Variants in GAB2 observed in about 807,000 individuals in gnomAD.
The protein encoded by GAB2 is GRB2-associated-binding protein 2.
GAB2 carries 26 observed loss-of-function variants against 65.5 expected under a neutral mutation model. The ratio of observed to expected loss-of-function variants is 0.40; its 90% CI spans 0.29 to 0.55. GAB2 has a LOEUF of 0.55. Among genes scored for constraint, GAB2 ranks in the 20% least tolerant of loss-of-function variants. GAB2 has a pLI of 0.53. For synonymous variants in GAB2, 321 were observed against 329.6 expected (o/e 0.97, Z 0.28); for missense variants, 884 against 875.8 (o/e 1.01, Z -0.12).
At chr11:78,260,019 T>C (rs1015015545) in intron 2 of GAB2, among the ~76,000 whole-genome samples, 2 of 152,226 alleles carry the variant, frequency 1.3e-5, no homozygotes, top group African/African-American at 4.8e-5. Context: ...ATTATTTGCA[T>C]GGTAAGTAAA....
At chr11:78,316,974 G>C (rs1373782433) in intron 1 of GAB2, among the ~76,000 whole-genome samples, 1 of 152,220 alleles carries the variant, frequency 6.6e-6, no homozygotes, top group African/African-American at 2.4e-5. Flanking sequence ...AGGAAATTCT[G>C]ACACATGCTA....
chr11:78,405,091 ATTTT>A (rs1174366754), intron 1 of GAB2, among the ~76,000 whole-genome samples: 7 of 93,244 alleles, frequency 7.5e-5, no homozygotes, highest in African/African-American at 3.6e-4. Context: ...AAAAACATGG[ATTTT>A]TTTTTTTTTT....
intron 1 of GAB2, among the ~76,000 whole-genome samples, chr11:78,298,655 T>A (rs1866907236): frequency 6.6e-6 from 1 of 152,214 alleles, no homozygotes; most frequent in Non-Finnish European, 1.5e-5. Context: ...CCTTTAAATA[T>A]TGGAGAAAGA....
At chr11:78,308,323 C>T (rs1167426376) in intron 1 of GAB2, among the ~76,000 whole-genome samples, 1 of 152,090 alleles carries the variant, frequency 6.6e-6, no homozygotes, top group African/African-American at 2.4e-5. Flanking sequence ...GCCGTGACTG[C>T]AACACTGCAC....
rs140717641 is a variant in GAB2, at chr11:78,393,032, C to G, written c.75+24614G>C. Among the ~76,000 whole-genome samples, 315 of 152,300 alleles carry G rather than the reference C, an allele frequency of 2.1e-3. 1 individual carries two copies. Among genetic ancestry groups the G allele is most frequent in the African/African-American group, 6.7e-3 (279 of 41,546 alleles). On this transcript the variant is annotated intron_variant, in intron 1 of 9. Coordinates refer to ENST00000361507, the MANE Select transcript of GAB2 (RefSeq NM_080491.3). ...AGAGAAGAGACTAAAAACACAGTCA[C>G]GCTGCAACATCATAGGAGCTGCAGA...
At chr11:78,329,694 G>T (rs1417858789) in intron 1 of GAB2, among the ~76,000 whole-genome samples, 1 of 152,208 alleles carries the variant, frequency 6.6e-6, no homozygotes, top group Non-Finnish European at 1.5e-5. Context: ...TGATTTTATG[G>T]AAGCAGTTTT....
At chr11:78,382,679 A>T (rs1040722749) in intron 1 of GAB2, among the ~76,000 whole-genome samples, 4 of 152,166 alleles carry the variant, frequency 2.6e-5, no homozygotes, top group Non-Finnish European at 4.4e-5. Flanking sequence ...TTTTCAGTCA[A>T]TTGTAATCAT....
intron 3 of GAB2, among the ~76,000 whole-genome samples, chr11:78,243,962 T>C (rs930112573): frequency 2.0e-5 from 3 of 151,734 alleles, no homozygotes; most frequent in Admixed American, 1.3e-4. Context: ...CCAAAAGAAA[T>C]AGAAAATCTG....
intron 1 of GAB2, among the ~76,000 whole-genome samples, chr11:78,393,724 G>T (rs1222948858): frequency 1.3e-5 from 2 of 152,138 alleles, no homozygotes; most frequent in Admixed American, 6.5e-5. Context: ...AAATATCCAA[G>T]AACAGAAGAA....
rs373004698 is a variant in GAB2, at chr11:78,306,339, T to C, written c.76-25438A>G. On this transcript the variant is annotated intron_variant, in intron 1 of 9. Coordinates refer to ENST00000361507, the MANE Select transcript of GAB2 (RefSeq NM_080491.3). ...TCCGCCTCCCAGGTTCAAGCAATTC[T>C]CCTGCCTCAGCCTCCCAAGTAGCTG... Among the ~76,000 whole-genome samples the C allele has an allele frequency of 4.9e-4, 74 of 152,314 alleles. 1 individual carries two copies. In the South Asian group the frequency reaches 0.015, roughly 31 times the overall value.
At chr11:78,234,553 ATATATT>A (rs1864935321) in intron 3 of GAB2, among the ~76,000 whole-genome samples, 2 of 148,574 alleles carry the variant, frequency 1.3e-5, no homozygotes, top group Non-Finnish European at 3.0e-5. Context: ...ATTGGCATCT[ATATATT>A]TATATACTTT....
In GAB2 at chr11:78,221,781, T is replaced by C; in HGVS notation, c.1659-2A>G. On this transcript the variant is annotated splice_acceptor_variant, in intron 7 of 9. Transcript: ENST00000361507. LOFTEE classifies it high-confidence loss of function. ...GAGGAGCTGGAGTTGAAGGTGTGGC[T>C]GTTGTGGGAAGGAAGAGTTAACACT... 1.2e-6 allele frequency: 2 copies of C among 1,607,934 alleles called. No homozygotes were observed. Among genetic ancestry groups the C allele is most frequent in the Non-Finnish European group, 1.7e-6 (2 of 1,174,638 alleles).
chr11:78,405,966 G>C (rs903425327), intron 1 of GAB2, among the ~76,000 whole-genome samples: 1 of 152,342 alleles, frequency 6.6e-6, no homozygotes, highest in South Asian at 2.1e-4. Context: ...AGAGCAAACT[G>C]TGGTCCAACC....
intron 1 of GAB2, among the ~76,000 whole-genome samples, chr11:78,281,948 A>C (rs560459922): frequency 6.6e-6 from 1 of 152,348 alleles, no homozygotes; most frequent in East Asian, 1.9e-4. Context: ...CAAGTTTTCT[A>C]ACTTTTTAGT....
chr11:78,239,686 G>A (rs904042850), intron 3 of GAB2, among the ~76,000 whole-genome samples: 23 of 152,162 alleles, frequency 1.5e-4, no homozygotes, highest in African/African-American at 5.3e-4. Flanking sequence ...GAACAAGGAC[G>A]AAGTTCTTTT....
intron 1 of GAB2, among the ~76,000 whole-genome samples, chr11:78,315,209 T>C (rs953447066): frequency 6.6e-6 from 1 of 152,180 alleles, no homozygotes; most frequent in Non-Finnish European, 1.5e-5. Flanking sequence ...TCTATCCCAA[T>C]CTTATTTTAT....
intron 1 of GAB2, among the ~76,000 whole-genome samples, chr11:78,367,708 T>C (rs1591068576): frequency 6.6e-6 from 1 of 152,152 alleles, no homozygotes; most frequent in African/African-American, 2.4e-5. Context: ...CAAGTGCTAC[T>C]GGGCTGCAGG....
At chr11:78,320,729 T>C (rs1416050956) in intron 1 of GAB2, among the ~76,000 whole-genome samples, 4 of 121,526 alleles carry the variant, frequency 3.3e-5, no homozygotes, top group African/African-American at 7.5e-5. Context: ...TTTTGCCTTT[T>C]TTTTTTTTTT....
At chr11:78,407,007 T>A (rs1857054004) in intron 1 of GAB2, among the ~76,000 whole-genome samples, 1 of 151,856 alleles carries the variant, frequency 6.6e-6, no homozygotes, top group African/African-American at 2.4e-5. Context: ...AGAAATAGAA[T>A]CAGTGAATGG....
Sources: allele counts gnomAD v4.1 joint callset (sites outside exome capture counted in the v4.1 genomes callset), GRCh38; gene constraint gnomAD v4.1.1; transcripts MANE v1.5; gene names NCBI Gene and HGNC (gene_info 2026-07-23, HGNC 2026-07-21).